KIF2C: variants seen among roughly 807,000 people sequenced by gnomAD.
KIF2C encodes the protein kinesin-like protein KIF2C.
In KIF2C, 34 loss-of-function variants were observed where a neutral mutation model predicts 97.4. The observed-to-expected ratio is 0.35, with a 90% CI of 0.27 to 0.46. The LOEUF is 0.46. KIF2C is among the 20% of genes least tolerant of loss of function. The pLI, the probability that KIF2C is intolerant of heterozygous loss-of-function variation, is 1.00. For synonymous variants in KIF2C, 313 were observed against 318.2 expected (o/e 0.98, Z 0.17); for missense variants, 750 against 907.6 (o/e 0.83, Z 2.23).
chr1:44,763,791 G>T (rs961906949), intron 19 of KIF2C, among the ~76,000 whole-genome samples: 1 of 152,090 alleles, frequency 6.6e-6, no homozygotes, highest in Non-Finnish European at 1.5e-5. Context: ...ATCCCAACAC[G>T]TTGGGAGGCC....
intron 2 of KIF2C, among the ~76,000 whole-genome samples, chr1:44,747,123 C>T (rs938189846): frequency 5.9e-5 from 9 of 152,068 alleles, no homozygotes; most frequent in African/African-American, 2.2e-4. Context: ...TCCTGGCCAA[C>T]ATGGTGAAAC....
intron 2 of KIF2C, among the ~76,000 whole-genome samples, chr1:44,746,984 G>A (rs1283273769): frequency 4.0e-5 from 6 of 150,714 alleles, no homozygotes; most frequent in Non-Finnish European, 5.9e-5. Context: ...TGCAACCTCC[G>A]CCTCCTGGAT....
At chr1:44,743,909 G>A (rs879534290) in intron 2 of KIF2C, among the ~76,000 whole-genome samples, 15 of 152,202 alleles carry the variant, frequency 9.9e-5, no homozygotes, top group African/African-American at 2.7e-4. Flanking sequence ...TGCCCCTAAA[G>A]AATTAAGAGG....
chr1:44,758,927 T>C (rs555611738), intron 13 of KIF2C: 93 of 428,186 alleles, frequency 2.2e-4, no homozygotes, highest in African/African-American at 1.7e-3. Flanking sequence ...TTCTAAGCAC[T>C]ACCTGTCTCA....
chr1:44,747,575 C>T, intron 3 of KIF2C, 77 bp from the exon 4 acceptor site: 2 of 1,566,126 alleles, frequency 1.3e-6, no homozygotes, highest in Non-Finnish European at 1.7e-6. Context: ...GGCATTTTAG[C>T]ATAGTACATG....
chr1:44,746,712 G>C (rs1183506913), intron 2 of KIF2C: 23 of 1,608,690 alleles, frequency 1.4e-5, no homozygotes, highest in Non-Finnish European at 2.0e-5. Context: ...TCTCATCACT[G>C]ACGTCTACCA....
At chr1:44,764,578 C>A (rs34541568) in intron 19 of KIF2C, among the ~76,000 whole-genome samples, 14 of 151,622 alleles carry the variant, frequency 9.2e-5, no homozygotes, top group African/African-American at 3.4e-4. Flanking sequence ...GGCACCATCT[C>A]GGCTCACCAC....
In KIF2C at chr1:44,758,101, G is replaced by A; in HGVS notation, c.1185G>A (p.Leu395=). 1 of 1,604,826 alleles carries A rather than the reference G, an allele frequency of 6.2e-7. No homozygotes were observed. The highest frequency in any genetic ancestry group is 8.5e-7 in the Non-Finnish European group (1 of 1,175,972). The part of the protein sequence containing the change: ...KNQPCYRKLG[L]EVYVTFFEIY... ...AACCCTGCTACCGGAAGTTGGGCCT[G>A]GAAGTCTATGTGACATTCTTCGAGA... The change falls in exon 13 of 21, where the codon CTG becomes CTA. Residue 395 remains leucine (L), a synonymous_variant. Coordinates refer to ENST00000372224, the MANE Select transcript of KIF2C (RefSeq NM_006845.4).
chr1:44,759,141 G>A (rs1650002739), intron 13 of KIF2C, 65 bp from the exon 14 acceptor site: 1 of 1,603,260 alleles, frequency 6.2e-7, no homozygotes, highest in Admixed American at 1.7e-5. Context: ...GCTAGTAGGA[G>A]GAAGCAGTCG....
At chr1:44,745,363 T>A (rs1170321295) in intron 2 of KIF2C, among the ~76,000 whole-genome samples, 1 of 151,676 alleles carries the variant, frequency 6.6e-6, no homozygotes, top group Non-Finnish European at 1.5e-5. Flanking sequence ...TCCTCCTTTT[T>A]TTTTTTTTAT....
At chr1:44,756,019 G>A (rs1472121182) in intron 9 of KIF2C, 36 bp downstream of exon 9, 1 of 1,614,102 alleles carries the variant, frequency 6.2e-7, no homozygotes. Flanking sequence ...GCTTCAGACT[G>A]ACTAATGGGC....
chr1:44,760,366 A>G lies in KIF2C; in HGVS notation c.1454A>G (p.His485Arg), dbSNP rs999524935. ...ATTCTTCGAGCTAAAGGGAGAATGC[A>G]TGGCAAGTTCTCTTTGGTAGATCTG... ...QIILRAKGRM[H>R]GKFSLVDLAG... Residue 485 changes from histidine (H) to arginine (R), a missense_variant, in exon 15 of 21, where the codon CAT (histidine) becomes CGT (arginine). Transcript: ENST00000372224. The surrounding 1 kb of genome is among the most constrained non-coding windows in gnomAD (Gnocchi z 4.2). 6.8e-6 allele frequency: 11 copies of G among 1,614,220 alleles called. No homozygotes were observed. The highest frequency in any genetic ancestry group is 5.0e-5 in the Admixed American group (3 of 60,022).
At chr1:44,745,204 A>C (rs1269394418) in intron 2 of KIF2C, among the ~76,000 whole-genome samples, 1 of 150,642 alleles carries the variant, frequency 6.6e-6, no homozygotes, top group African/African-American at 2.4e-5. Context: ...AAAAAAAAAA[A>C]CCTCTGGTTT....
intron 5 of KIF2C, 31 bp downstream of exon 5, chr1:44,750,595 G>A (rs1649459504): frequency 1.3e-6 from 2 of 1,490,150 alleles, no homozygotes; most frequent in Middle Eastern, 1.8e-4. Flanking sequence ...CAACCACCAT[G>A]TTTGAGGCCC....
chr1:44,740,631 T>G (rs559201176), intron 1 of KIF2C, among the ~76,000 whole-genome samples: 1 of 152,264 alleles, frequency 6.6e-6, no homozygotes, highest in East Asian at 1.9e-4. Context: ...ATGTTCTCTT[T>G]TGTAGGCTCT....
intron 2 of KIF2C, among the ~76,000 whole-genome samples, chr1:44,743,546 T>C (rs1281365175): frequency 6.6e-6 from 1 of 152,204 alleles, no homozygotes; most frequent in Non-Finnish European, 1.5e-5. Context: ...CTCAGCACTT[T>C]GGGAGGCTGA....
rs772245374 is a variant in KIF2C at position 44,759,329 on chromosome 1, G to A, written c.1348G>A (p.Asp450Asn). ...NSADDVIKMI[D>N]MGSACRTSGQ... is the part of the protein sequence containing the mutation. ...TGCTGATGATGTCATCAAGATGATCGACATGGGCAGCGCCTGCAGGTGAGA... is the reference window on the plus strand; with the variant it reads ...TGCTGATGATGTCATCAAGATGATCAACATGGGCAGCGCCTGCAGGTGAGA... The change falls in exon 14 of 21, where the codon GAC becomes AAC. Residue 450 changes from aspartate to asparagine, a missense_variant. Transcript: ENST00000372224. 8.7e-6 allele frequency: 14 copies of A among 1,614,114 alleles called. No homozygotes were observed. Among genetic ancestry groups the A allele is most frequent in the Admixed American group, 6.7e-5 (4 of 60,020 alleles).
intron 19 of KIF2C, among the ~76,000 whole-genome samples, chr1:44,764,168 ACTCT>A (rs201859491): frequency 6.6e-6 from 1 of 151,406 alleles, no homozygotes. Context: ...CAAAATATGT[ACTCT>A]CTCTCTATAT....
Position 44,760,513 on chromosome 1 carries a change from G to A in KIF2C, c.1572+29G>A, listed in dbSNP as rs778787104. On this transcript the variant is annotated intron_variant, in intron 15 of 20. Coordinates refer to ENST00000372224, the MANE Select transcript of KIF2C (RefSeq NM_006845.4). This position sits in a 1 kb window ranked among gnomAD's most constrained non-coding sequence, Gnocchi z 4.2. ...GTGGGGCAGCTAGAGCTGGTTGGCCGGGAGAGCTACTGGGAAGGGATGGGG... is the reference window on the plus strand; with the variant it reads ...GTGGGGCAGCTAGAGCTGGTTGGCCAGGAGAGCTACTGGGAAGGGATGGGG... The A allele has an allele frequency of 5.2e-5, 84 of 1,612,250 alleles. No homozygotes were observed. The highest frequency in any genetic ancestry group is 6.5e-5 in the Non-Finnish European group (77 of 1,179,114).
Sources: gnomAD v4.1 joint callset for allele counts (sites outside exome capture counted in the v4.1 genomes callset) on GRCh38, gnomAD v4.1.1 for gene constraint, Gnocchi (gnomAD v3.1) non-coding constraint, MANE v1.5 for transcripts, NCBI Gene and HGNC (gene_info 2026-07-23, HGNC 2026-07-21) for gene names.